The following ZNF644 variants were observed in gnomAD, a reference collection of about 807,000 sequenced individuals.
The protein encoded by ZNF644 is zinc finger protein 644, also known as zinc finger motif enhancer binding protein 2.
In ZNF644, 20 loss-of-function variants were observed where a neutral mutation model predicts 108.0. The observed-to-expected ratio is 0.19, with a 90% CI of 0.13 to 0.27. The LOEUF is 0.27. Among genes scored for constraint, ZNF644 ranks in the 10% least tolerant of loss-of-function variants. The probability of loss-of-function intolerance (pLI) is 1.00; values close to 1 mark genes in which losing one functional copy is unlikely to be tolerated. For missense variants in ZNF644, 1,338 were observed against 1,548.9 expected, an observed-to-expected ratio of 0.86 and a Z score of 2.29; for synonymous variants, 542 against 539.1, an observed-to-expected ratio of 1.01 and a Z score of -0.08.
intron 2 of ZNF644, among the ~76,000 whole-genome samples, chr1:90,977,803 C>CA (rs1382706930): frequency 2.0e-5 from 3 of 151,882 alleles, no homozygotes; most frequent in African/African-American, 7.3e-5. Context: ...TATATACAGG[C>CA]AAAAAATCCT....
At chr1:91,021,131 G>A (rs988614376) in intron 1 of ZNF644, 1 of 152,248 alleles carries the variant, frequency 6.6e-6, no homozygotes, top group Admixed American at 6.5e-5. Context: ...AGGTTCACGG[G>A]AGAAGTGGAG....
intron 1 of ZNF644, among the ~76,000 whole-genome samples, chr1:91,010,066 T>C (rs926425806): frequency 6.6e-6 from 1 of 152,166 alleles, no homozygotes; most frequent in African/African-American, 2.4e-5. Context: ...TATTTCTTCA[T>C]GTAATTCTAT....
At chr1:90,966,032 T>C (rs1654835442) in intron 2 of ZNF644, among the ~76,000 whole-genome samples, 1 of 152,164 alleles carries the variant, frequency 6.6e-6, no homozygotes, top group African/African-American at 2.4e-5. Flanking sequence ...CTTATAGGCA[T>C]GAGCCACCGC....
chr1:90,947,560 C>T (rs895453579), intron 2 of ZNF644, among the ~76,000 whole-genome samples: 1 of 152,110 alleles, frequency 6.6e-6, no homozygotes, highest in Non-Finnish European at 1.5e-5. Context: ...TGTCATTTTA[C>T]TTTGAGCCTT....
In ZNF644 at chr1:90,937,955, T is replaced by C; in HGVS notation, c.3218A>G (p.Lys1073Arg). 1 of 1,613,224 alleles carries C rather than the reference T, an allele frequency of 6.2e-7. No homozygotes were observed. The highest frequency in any genetic ancestry group is 8.5e-7 in the Non-Finnish European group (1 of 1,179,876). ...CTCATTCAGAACACAGATTGGAGAT[T>C]TGTGAGCATCCCATTTCGTCTTTCC... The part of the protein sequence containing the change: ...RLGKTKWDAH[K>R]SPICVLNEMM... Residue 1073 changes from lysine (K) to arginine (R), a missense_variant, in exon 4 of 6, where the codon AAA becomes AGA. Physicochemically the swap from Lys to Arg is conservative, Grantham distance 26. Around this residue, in one of 6 missense-constraint regions of ZNF644, gnomAD observed 287 missense variants for 310.9 expected, o/e 0.92. Transcript: ENST00000337393.
chr1:90,951,967 G>A (rs1321719751), intron 2 of ZNF644, among the ~76,000 whole-genome samples: 2 of 152,122 alleles, frequency 1.3e-5, no homozygotes, highest in Non-Finnish European at 2.9e-5. Flanking sequence ...GCACATAATA[G>A]GAAAATTTGA....
intron 2 of ZNF644, among the ~76,000 whole-genome samples, chr1:90,974,899 A>T (rs1655843846): frequency 6.6e-6 from 1 of 152,106 alleles, no homozygotes; most frequent in Non-Finnish European, 1.5e-5. Flanking sequence ...GAGACTAGCC[A>T]CTCCCCACAT....
intron 1 of ZNF644, among the ~76,000 whole-genome samples, chr1:91,000,709 C>G (rs1658679966): frequency 6.6e-6 from 1 of 152,040 alleles, no homozygotes; most frequent in Non-Finnish European, 1.5e-5. Flanking sequence ...GAGATAGAGA[C>G]ACAAAACACC....
intron 2 of ZNF644, among the ~76,000 whole-genome samples, chr1:90,953,042 T>C (rs1653355025): frequency 6.8e-6 from 1 of 146,728 alleles, no homozygotes; most frequent in African/African-American, 2.5e-5. Flanking sequence ...CAGCTCCCGA[T>C]GTCCAAGAGC....
chr1:90,920,173 T>C (rs553141213), intron 4 of ZNF644, among the ~76,000 whole-genome samples: 2 of 152,052 alleles, frequency 1.3e-5, no homozygotes, highest in Admixed American at 1.3e-4. Context: ...GATGGATCCT[T>C]GTCTGTGTTA....
chr1:90,970,567 C>G (rs1655347930), intron 2 of ZNF644, among the ~76,000 whole-genome samples: 1 of 152,134 alleles, frequency 6.6e-6, no homozygotes, highest in South Asian at 2.1e-4. Context: ...CAGTCCCCTT[C>G]TGAAAAATTC....
At chr1:90,926,804 C>A (rs1394331238) in intron 4 of ZNF644, among the ~76,000 whole-genome samples, 2 of 152,162 alleles carry the variant, frequency 1.3e-5, no homozygotes, top group African/African-American at 2.4e-5. Context: ...TGACCTGGTA[C>A]AGGACTCTTA....
chr1:90,919,355 G>A (rs745394002), intron 4 of ZNF644, among the ~76,000 whole-genome samples: 48 of 152,176 alleles, frequency 3.2e-4, no homozygotes, highest in Non-Finnish European at 5.9e-4. Context: ...AAGAGAGAAG[G>A]AACTGGCTGT....
In ZNF644 at chr1:90,941,171, A is replaced by G; in HGVS notation, c.183T>C (p.Asp61=). The change falls in exon 3 of 6, where the codon GAT becomes GAC. Residue 61 remains aspartate, a synonymous_variant. Coordinates refer to ENST00000337393, the MANE Select transcript of ZNF644 (RefSeq NM_201269.3). ...DKESGVHKPK[D]CQTSFQKNNT... is the part of the protein sequence containing the mutation. ...TATTTTTCTGAAATGATGTTTGACA[A>G]TCTTTTGGCTTATGAACTCCGCTCT... The G allele has an allele frequency of 6.2e-7, 1 of 1,613,098 alleles. No homozygotes were observed. The highest frequency in any genetic ancestry group is 2.2e-5 in the East Asian group (1 of 44,874).
At chr1:91,003,719 T>C (rs1430205746) in intron 1 of ZNF644, among the ~76,000 whole-genome samples, 2 of 151,606 alleles carry the variant, frequency 1.3e-5, no homozygotes, top group African/African-American at 2.4e-5. Flanking sequence ...AAGAAGGAAG[T>C]ATGGTTCATA....
rs1657489711 is a variant in ZNF644 at position 90,990,058 on chromosome 1, A to T, written c.-17-7688T>A. ...CCTCAAGGGCATTATAACTGAAATAAGCCAATCACAAAGGACAAATACTAT... is the reference window on the plus strand; with the variant it reads ...CCTCAAGGGCATTATAACTGAAATATGCCAATCACAAAGGACAAATACTAT... On this transcript the variant is annotated intron_variant, in intron 1 of 5. Coordinates refer to ENST00000337393, the MANE Select transcript of ZNF644 (RefSeq NM_201269.3). Among the ~76,000 whole-genome samples the T allele has an allele frequency of 1.3e-5, 2 of 152,242 alleles. 1 individual carries two copies. The highest frequency in any genetic ancestry group is 4.1e-4 in the South Asian group (2 of 4,832).
At chr1:90,966,468 G>A (rs1654901054) in intron 2 of ZNF644, among the ~76,000 whole-genome samples, 1 of 152,102 alleles carries the variant, frequency 6.6e-6, no homozygotes, top group Non-Finnish European at 1.5e-5. Context: ...GGGAACAGGG[G>A]CCAGGTGCGG....
chr1:90,969,864 C>T (rs562214261), intron 2 of ZNF644, among the ~76,000 whole-genome samples: 3 of 152,272 alleles, frequency 2.0e-5, no homozygotes, highest in East Asian at 3.9e-4. Flanking sequence ...GTATCCCCCA[C>T]GGATTAGGTA....
chr1:90,969,770 T>G (rs1187196046), intron 2 of ZNF644, among the ~76,000 whole-genome samples: 1 of 152,218 alleles, frequency 6.6e-6, no homozygotes, highest in Non-Finnish European at 1.5e-5. Flanking sequence ...AATTAAACTT[T>G]ATCACAGATA....
Sources: gnomAD v4.1 joint callset for allele counts (sites outside exome capture counted in the v4.1 genomes callset) on GRCh38, gnomAD v4.1.1 for gene constraint, gnomAD v4.1.1 regional missense constraint, MANE v1.5 for transcripts, NCBI Gene and HGNC (gene_info 2026-07-23, HGNC 2026-07-21) for gene names.